RGS6: variants seen among roughly 807,000 people sequenced by gnomAD.
The protein encoded by RGS6 is regulator of G protein signaling 6.
RGS6 carries 30 observed loss-of-function variants against 78.5 expected under a neutral mutation model. The ratio of observed to expected loss-of-function variants is 0.38; its 90% confidence interval spans 0.29 to 0.52. The LOEUF is 0.52. Ranked by LOEUF, RGS6 falls within the 20% of genes least tolerant of loss-of-function variation. The probability of loss-of-function intolerance (pLI) is 0.85; values close to 1 mark genes in which losing one functional copy is unlikely to be tolerated. For missense variants in RGS6, 495 were observed against 609.7 expected (o/e 0.81, Z 1.98); for synonymous variants, 206 against 206.0 (o/e 1.00, Z 0.00).
At chr14:72,365,650 C>T (rs1300085390) in intron 3 of RGS6, among the ~76,000 whole-genome samples, 1 of 152,318 alleles carries the variant, frequency 6.6e-6, no homozygotes, top group African/African-American at 2.4e-5. Context: ...GAAAGCAAAA[C>T]CTTTTCTCAT....
chr14:72,004,061 G>A (rs1455598271), intron 2 of RGS6, among the ~76,000 whole-genome samples: 3 of 152,182 alleles, frequency 2.0e-5, no homozygotes, highest in Admixed American at 1.3e-4. Flanking sequence ...TTGGTATGGG[G>A]TAAGAGACAA....
chr14:72,569,397 A>G (rs964714515), downstream of RGS6, among the ~76,000 whole-genome samples: 2 of 152,118 alleles, frequency 1.3e-5, no homozygotes, highest in Non-Finnish European at 2.9e-5. Flanking sequence ...AGCCACATAC[A>G]AGCCAGGCAC....
At chr14:71,908,634 A>G in the RGS6 span, among the ~76,000 whole-genome samples, 3 of 152,192 alleles carry the variant, frequency 2.0e-5, no homozygotes, top group Admixed American at 1.3e-4. Flanking sequence ...CAGGAGGGGT[A>G]GTGTCAATTC....
chr14:72,439,872 G>A (rs2095113485), intron 3 of RGS6, among the ~76,000 whole-genome samples: 1 of 152,184 alleles, frequency 6.6e-6, no homozygotes, highest in Non-Finnish European at 1.5e-5. Flanking sequence ...CCTTCTCCTA[G>A]AAAGACCACA....
intron 14 of RGS6, among the ~76,000 whole-genome samples, chr14:72,515,261 C>T (rs2096926818): frequency 6.6e-6 from 1 of 151,900 alleles, no homozygotes; most frequent in Non-Finnish European, 1.5e-5. Flanking sequence ...CTTTCTCTCC[C>T]CTCCCCTTCC....
chr14:72,142,845 G>T (rs192380195), intron 2 of RGS6, among the ~76,000 whole-genome samples: 14 of 152,286 alleles, frequency 9.2e-5, no homozygotes, highest in Admixed American at 9.2e-4. Flanking sequence ...TGCTGCAGGA[G>T]AGGCCCATAA....
chr14:72,480,961 A>G (rs2096365338), intron 12 of RGS6, among the ~76,000 whole-genome samples: 1 of 152,190 alleles, frequency 6.6e-6, no homozygotes, highest in South Asian at 2.1e-4. Context: ...GTCTACAGTC[A>G]GGGTTGGACT....
chr14:72,078,353 A>G (rs913240872), intron 2 of RGS6, among the ~76,000 whole-genome samples: 3 of 152,072 alleles, frequency 2.0e-5, no homozygotes, highest in Non-Finnish European at 2.9e-5. Flanking sequence ...CCATGAGTCA[A>G]TTAAATCTTC....
chr14:72,092,310 G>C (rs1463849072), intron 2 of RGS6, among the ~76,000 whole-genome samples: 2 of 151,908 alleles, frequency 1.3e-5, no homozygotes, highest in Non-Finnish European at 2.9e-5. Flanking sequence ...CTTTTTGAAG[G>C]ATGGCTATGG....
chr14:72,590,085 G>A, the RGS6 span, among the ~76,000 whole-genome samples: 1 of 152,150 alleles, frequency 6.6e-6, no homozygotes, highest in Non-Finnish European at 1.5e-5. Context: ...TTAAACCAAT[G>A]GGATCCCACT....
the RGS6 span, among the ~76,000 whole-genome samples, chr14:71,874,348 G>A: frequency 1.3e-5 from 2 of 151,902 alleles, no homozygotes; most frequent in Non-Finnish European, 2.9e-5. Context: ...TCCTTGAAGA[G>A]GTCCTTCACA....
intron 1 of RGS6, among the ~76,000 whole-genome samples, chr14:71,934,174 GAGAGAGAAA>G (rs2088530053): frequency 1.3e-5 from 2 of 152,138 alleles, no homozygotes; most frequent in South Asian, 4.1e-4. Flanking sequence ...TGAGACTCTT[GAGAGAGAAA>G]CCTTTGCAAG....
At chr14:71,884,030 C>CT in the RGS6 span, among the ~76,000 whole-genome samples, 1 of 152,194 alleles carries the variant, frequency 6.6e-6, no homozygotes, top group Non-Finnish European at 1.5e-5. Flanking sequence ...CCTTTTCTTT[C>CT]TTAATAAACT....
chr14:72,084,391 C>A (rs2094942298), intron 2 of RGS6, among the ~76,000 whole-genome samples: 1 of 152,152 alleles, frequency 6.6e-6, no homozygotes, highest in African/African-American at 2.4e-5. Flanking sequence ...CAGTACATGA[C>A]CTGGAGGTTT....
chr14:72,366,749 G>C (rs1174171718), intron 3 of RGS6, among the ~76,000 whole-genome samples: 2 of 152,118 alleles, frequency 1.3e-5, no homozygotes, highest in African/African-American at 4.8e-5. Flanking sequence ...TGAGTCTTCG[G>C]AGTTTCCAAC....
At chr14:72,131,297 C>T (rs903682371) in intron 2 of RGS6, among the ~76,000 whole-genome samples, 2 of 152,146 alleles carry the variant, frequency 1.3e-5, no homozygotes, top group East Asian at 3.8e-4. Context: ...CTGGGATTTC[C>T]TGCTGGAGTC....
At chr14:72,046,530 G>C (rs762036245) in intron 2 of RGS6, among the ~76,000 whole-genome samples, 2 of 151,988 alleles carry the variant, frequency 1.3e-5, no homozygotes, top group Non-Finnish European at 2.9e-5. Context: ...AAAGGTACCA[G>C]TGTGTGTGAA....
the RGS6 span, among the ~76,000 whole-genome samples, chr14:72,628,719 C>A: frequency 1.3e-5 from 2 of 149,644 alleles, no homozygotes; most frequent in East Asian, 4.1e-4. Flanking sequence ...AAGAGACAGA[C>A]AATCTGAATC....
chr14:72,059,924 A>AT (rs1270562149), intron 2 of RGS6, among the ~76,000 whole-genome samples: 1 of 152,140 alleles, frequency 6.6e-6, no homozygotes, highest in Non-Finnish European at 1.5e-5. Context: ...AGTCTGTGAT[A>AT]TTTTGTTATG....
Sources: allele counts gnomAD v4.1 joint callset (sites outside exome capture counted in the v4.1 genomes callset), GRCh38; gene constraint gnomAD v4.1.1; transcripts MANE v1.5; gene names NCBI Gene and HGNC (gene_info 2026-07-23, HGNC 2026-07-21).